Variants in PARVA observed in about 807,000 individuals in gnomAD.
PARVA encodes parvin alpha.
PARVA carries 25 observed loss-of-function variants against 52.6 expected under a neutral mutation model. That is an observed-to-expected ratio of 0.48 (90% CI 0.35 to 0.66). PARVA has a LOEUF of 0.66. Ranked by LOEUF, PARVA falls within the 30% of genes least tolerant of loss-of-function variation. The pLI is 0.01. For missense variants in PARVA, 373 were observed against 450.9 expected, an observed-to-expected ratio of 0.83 and a Z score of 1.56; for synonymous variants, 185 against 179.1, an observed-to-expected ratio of 1.03 and a Z score of -0.26.
chr11:12,456,333 G>A (rs1940693886), intron 1 of PARVA, among the ~76,000 whole-genome samples: 1 of 149,562 alleles, frequency 6.7e-6, no homozygotes. Context: ...CACTTTAGAG[G>A]GGGAACAAGT....
chr11:12,508,630 C>T lies in PARVA; in HGVS notation c.704C>T (p.Thr235Ile), dbSNP rs775110168. The T allele has an allele frequency of 6.2e-7, 1 of 1,607,238 alleles. No individual in the cohort carries two copies. Among genetic ancestry groups the T allele is most frequent in the African/African-American group, 1.3e-5 (1 of 74,596 alleles). ...TCTCGGCAAATCCAAGAGGAAATAA[C>T]TGGTAACACAGAGTATGTCAACACC... ...LQSRQIQEEI[T>I]GNTEALSGRH... is the part of the protein sequence containing the mutation. The change falls in exon 7 of 13, where the codon ACT becomes ATT. Residue 235 changes from threonine (T) to isoleucine (I), a missense_variant. Physicochemically the swap from Thr to Ile is moderately conservative, Grantham distance 89. Transcript: ENST00000334956.
chr11:12,438,775 A>G (rs962336894), intron 1 of PARVA, among the ~76,000 whole-genome samples: 1 of 152,138 alleles, frequency 6.6e-6, no homozygotes, highest in African/African-American at 2.4e-5. Context: ...AGGTTTAGTT[A>G]TTTGCCCAAA....
At chr11:12,501,046 T>G (rs1941357053) in intron 5 of PARVA, among the ~76,000 whole-genome samples, 1 of 151,362 alleles carries the variant, frequency 6.6e-6, no homozygotes, top group Non-Finnish European at 1.5e-5. Flanking sequence ...AGGAGGTGTT[T>G]GCAGTGAGAC....
chr11:12,490,242 G>T (rs934054619), intron 4 of PARVA, among the ~76,000 whole-genome samples: 1 of 146,250 alleles, frequency 6.8e-6, no homozygotes, highest in Admixed American at 6.9e-5. Context: ...AGTTAGGAGA[G>T]GCGGGGCTCA....
At chr11:12,410,422 T>A (rs975637516) in intron 1 of PARVA, among the ~76,000 whole-genome samples, 2 of 152,236 alleles carry the variant, frequency 1.3e-5, no homozygotes, top group African/African-American at 4.8e-5. Context: ...GGTTATTTTC[T>A]CTTTACTGTC....
chr11:12,525,051 A>G (rs1426586), intron 12 of PARVA, among the ~76,000 whole-genome samples: 149,579 of 152,318 alleles, frequency 0.98, 73,495 homozygotes, highest in East Asian at 1. Flanking sequence ...GTAACAGCAT[A>G]GGCGGAGGCC....
intron 1 of PARVA, among the ~76,000 whole-genome samples, chr11:12,464,243 T>A (rs2135026793): frequency 6.6e-6 from 1 of 152,308 alleles, no homozygotes; most frequent in African/African-American, 2.4e-5. Context: ...TATACACATA[T>A]CTTGTAACCA....
chr11:12,377,589 T>A lies in PARVA; in HGVS notation c.-59T>A, dbSNP rs1041206542. 1.3e-6 allele frequency: 2 copies of A among 1,505,188 alleles called. No homozygotes were observed. Among genetic ancestry groups the A allele is most frequent in the South Asian group, 2.5e-5 (2 of 79,008 alleles). 93.2% of individuals were successfully genotyped at this position (1,505,188 alleles called of 1,614,324 possible). On this transcript the variant is annotated 5_prime_UTR_variant, in exon 1 of 13. Coordinates refer to ENST00000334956, the MANE Select transcript of PARVA (RefSeq NM_018222.5). The stretch of plus-strand genomic sequence containing the variant: ...CAGCCTCAGTCCCGCCGCCGCCCGC[T>A]GCGTCCGCCCAGCGCCAGCTCCGCG...
At chr11:12,380,832 A>C (rs1420589010) in intron 1 of PARVA, among the ~76,000 whole-genome samples, 3 of 152,138 alleles carry the variant, frequency 2.0e-5, no homozygotes, top group Non-Finnish European at 4.4e-5. Flanking sequence ...TCGCACTGTG[A>C]TCTCTCATTG....
intron 4 of PARVA, among the ~76,000 whole-genome samples, chr11:12,491,857 C>CA (rs1215439198): frequency 6.6e-6 from 1 of 152,090 alleles, no homozygotes; most frequent in Non-Finnish European, 1.5e-5. Context: ...CTGTATATAG[C>CA]ATATGATACC....
chr11:12,477,817 A>G, intron 3 of PARVA, 30 bp from the exon 4 acceptor site: 1 of 1,164,346 alleles, frequency 8.6e-7, no homozygotes, highest in Non-Finnish European at 1.3e-6. Flanking sequence ...TTTTCTTACT[A>G]TTGCACATTC....
chr11:12,493,651 C>T (rs1682006180), intron 4 of PARVA, among the ~76,000 whole-genome samples: 3 of 150,604 alleles, frequency 2.0e-5, no homozygotes. Flanking sequence ...AGGAAGAATG[C>T]ACTACAATTT....
chr11:12,415,181 A>C (rs1167263933), intron 1 of PARVA, among the ~76,000 whole-genome samples: 1 of 152,194 alleles, frequency 6.6e-6, no homozygotes, highest in African/African-American at 2.4e-5. Context: ...GCTTACACAG[A>C]TGGGCGTTTT....
At chr11:12,387,629 C>T (rs551351298) in intron 1 of PARVA, among the ~76,000 whole-genome samples, 5 of 151,678 alleles carry the variant, frequency 3.3e-5, no homozygotes, top group Non-Finnish European at 7.4e-5. Flanking sequence ...TTTCCTTTTG[C>T]GGGAAGACAT....
chr11:12,381,177 C>A (rs1305110306), intron 1 of PARVA, among the ~76,000 whole-genome samples: 1 of 152,202 alleles, frequency 6.6e-6, no homozygotes, highest in African/African-American at 2.4e-5. Flanking sequence ...TGAGTATGTG[C>A]TGGATCTCAA....
intron 12 of PARVA, among the ~76,000 whole-genome samples, chr11:12,521,379 A>G (rs1007935599): frequency 1.3e-5 from 2 of 152,244 alleles, no homozygotes; most frequent in African/African-American, 2.4e-5. Flanking sequence ...AAGTGTTAGC[A>G]AGGATGTAGA....
intron 10 of PARVA, among the ~76,000 whole-genome samples, chr11:12,516,190 C>T (rs926059707): frequency 1.3e-5 from 2 of 152,228 alleles, no homozygotes; most frequent in South Asian, 2.1e-4. Context: ...CCCTTAATGA[C>T]GGCTGAGCCG....
intron 4 of PARVA, among the ~76,000 whole-genome samples, chr11:12,493,009 G>GA (rs1328820671): frequency 6.6e-6 from 1 of 151,954 alleles, no homozygotes; most frequent in East Asian, 1.9e-4. Flanking sequence ...TATATGAGTG[G>GA]AAAAAAGCCA....
intron 1 of PARVA, among the ~76,000 whole-genome samples, chr11:12,442,737 G>C (rs972379057): frequency 2.0e-5 from 3 of 151,996 alleles, no homozygotes; most frequent in Non-Finnish European, 4.4e-5. Context: ...TCCCCACGAA[G>C]CTTCAGGAGG....
Sources: gnomAD v4.1 joint callset for allele counts (sites outside exome capture counted in the v4.1 genomes callset) on GRCh38, gnomAD v4.1.1 for gene constraint, MANE v1.5 for transcripts, NCBI Gene and HGNC (gene_info 2026-07-23, HGNC 2026-07-21) for gene names.